The following MTG2 variants were observed in gnomAD, a reference collection of about 807,000 sequenced individuals.
MTG2 encodes mitochondrial ribosome associated GTPase 2.
In MTG2, 23 loss-of-function variants were observed where a neutral mutation model predicts 28.6. The observed-to-expected ratio is 0.80, with a 90% CI of 0.58 to 1.14. The LOEUF is 1.14. Among genes scored for constraint, MTG2 ranks in the 50% most tolerant of loss-of-function variants. MTG2 has a pLI of 0.00. For missense variants in MTG2, 539 were observed against 552.0 expected (o/e 0.98, Z 0.24); for synonymous variants, 260 against 251.8 (o/e 1.03, Z -0.31).
At position 62,186,088 on chromosome 20, in the gene MTG2, T is replaced by A. The variant is rs2057838643; in HGVS notation, c.-6+3031T>A. ...AATATCCGGGCTGGATGGTGTAACG[T>A]TCCAGCAGGCTGAGCCGTGGCTATG... On this transcript the variant is annotated intron_variant, in intron 1 of 6. Transcript: ENST00000370823. Among the ~76,000 whole-genome samples the A allele has an allele frequency of 3.3e-5, 5 of 152,292 alleles. No homozygotes were observed. The South Asian group carries it at 1.0e-3, about 32-fold the overall frequency.
chr20:62,188,726 A>G (rs1354341109), intron 1 of MTG2: 1 of 152,020 alleles, frequency 6.6e-6, no homozygotes, highest in Admixed American at 6.6e-5. Context: ...AATAGCTGTT[A>G]TACTTTATTT....
intron 1 of MTG2, among the ~76,000 whole-genome samples, 151 bp downstream of exon 1, chr20:62,183,208 C>T (rs916901446): frequency 8.5e-5 from 13 of 152,082 alleles, no homozygotes; most frequent in African/African-American, 2.9e-4. Flanking sequence ...GGAGGGCTGC[C>T]GGGCTGCGAA....
Position 62,202,331 on chromosome 20 carries a change from G to C in MTG2, c.*1254G>C, listed in dbSNP as rs2058186022. On this transcript the variant is annotated 3_prime_UTR_variant, in exon 7 of 7. Coordinates refer to ENST00000370823, the MANE Select transcript of MTG2 (RefSeq NM_015666.4). Reference sequence around the variant, plus strand: ...GAAAGAAAGTGGAGGGGACACTCCAGAGGCTGTCGTGGGAGGATCATGTGA... The same window carrying C: ...GAAAGAAAGTGGAGGGGACACTCCACAGGCTGTCGTGGGAGGATCATGTGA... The C allele has an allele frequency of 6.5e-6, 1 of 153,050 alleles. No individual in the cohort carries two copies. The highest frequency in any genetic ancestry group is 2.4e-5 in the African/African-American group (1 of 41,472). The allele number at this position is 153,050 out of a possible 1,614,324, so 9.5% of individuals were successfully genotyped here.
chr20:62,200,168 C>T (rs977114003), intron 6 of MTG2: 1 of 152,542 alleles, frequency 6.6e-6, no homozygotes, highest in Non-Finnish European at 1.5e-5. Flanking sequence ...GGAAGCTCAG[C>T]AGCATCACAA....
chr20:62,192,938 T>TAA (rs1013496615), intron 1 of MTG2, among the ~76,000 whole-genome samples: 1 of 152,222 alleles, frequency 6.6e-6, no homozygotes, highest in Non-Finnish European at 1.5e-5. Context: ...GGCCTTCCCT[T>TAA]AGAGTTACTT....
chr20:62,197,946 T>A lies in MTG2; in HGVS notation c.447T>A (p.Ser149Arg). The change falls in exon 4 of 7, where the codon AGT becomes AGA. Residue 149 changes from serine (S) to arginine (R), a missense_variant. Coordinates refer to ENST00000370823, the MANE Select transcript of MTG2 (RefSeq NM_015666.4). ...GGAGTAAAAACTGCTTCGGGCGCAG[T>A]GGCGCCGTCCTCTACATCCGGGTGA... ...DGGSKNCFGR[S>R]GAVLYIRVPV... is the part of the protein sequence containing the mutation. The A allele has an allele frequency of 6.2e-7, 1 of 1,614,094 alleles. No homozygotes were observed. The highest frequency in any genetic ancestry group is 8.5e-7 in the Non-Finnish European group (1 of 1,179,964).
chr20:62,190,794 T>G (rs2057943752), intron 1 of MTG2, among the ~76,000 whole-genome samples: 1 of 152,134 alleles, frequency 6.6e-6, no homozygotes, highest in Non-Finnish European at 1.5e-5. Flanking sequence ...GGGGAGGAAG[T>G]CCGCAGGGAT....
chr20:62,197,813 C>T (rs752787590), intron 3 of MTG2, 39 bp from the exon 4 acceptor site: 20 of 1,581,354 alleles, frequency 1.3e-5, no homozygotes, highest in South Asian at 3.3e-5. Context: ...CCATGGTTGT[C>T]GTAACACAAA....
At chr20:62,185,592 A>G (rs1163286855) in intron 1 of MTG2, among the ~76,000 whole-genome samples, 1 of 152,054 alleles carries the variant, frequency 6.6e-6, no homozygotes, top group African/African-American at 2.4e-5. Context: ...AGGTGAGATC[A>G]TGCTATTGCA....
At chr20:62,189,665 T>C (rs79535496) in intron 1 of MTG2, among the ~76,000 whole-genome samples, 67 of 40,882 alleles carry the variant, frequency 1.6e-3, no homozygotes, top group Non-Finnish European at 1.4e-3. Context: ...AAACATTAAC[T>C]TTTTTTTTTT....
rs965907660 is a variant in MTG2 at position 62,202,282 on chromosome 20, G to C, written c.*1205G>C. On this transcript the variant is annotated 3_prime_UTR_variant, in exon 7 of 7. Coordinates refer to ENST00000370823, the MANE Select transcript of MTG2 (RefSeq NM_015666.4). ...ATCCCCCAAGTAGTCTCAGGCCTCTGACATGTCCCTGAGGGGCCCCTAAGA... is the reference window on the plus strand; with the variant it reads ...ATCCCCCAAGTAGTCTCAGGCCTCTCACATGTCCCTGAGGGGCCCCTAAGA... 4 of 152,420 alleles carry C rather than the reference G, an allele frequency of 2.6e-5. No homozygotes were observed. The highest frequency in any genetic ancestry group is 9.6e-5 in the African/African-American group (4 of 41,456). The allele number at this position is 152,420 out of a possible 1,614,324, so 9.4% of individuals were successfully genotyped here. A position where few individuals can be genotyped will look rare whatever the true frequency, so the allele number is the denominator to read the frequency against.
At chr20:62,183,291 C>G (rs548744325) in intron 1 of MTG2, among the ~76,000 whole-genome samples, 25 of 152,304 alleles carry the variant, frequency 1.6e-4, no homozygotes, top group African/African-American at 4.8e-4. Context: ...CCTTGCTCCC[C>G]GGTCCTGCCC....
chr20:62,196,101 C>T, intron 3 of MTG2, 152 bp downstream of exon 3: 1 of 906,746 alleles, frequency 1.1e-6, no homozygotes, highest in Non-Finnish European at 1.6e-6. Flanking sequence ...TCACTTGAGC[C>T]CATAAGTTCA....
At chr20:62,188,718 T>C (rs751034460) in intron 1 of MTG2, 2 of 152,120 alleles carry the variant, frequency 1.3e-5, no homozygotes, top group Non-Finnish European at 2.9e-5. Context: ...GCTATGTAAA[T>C]AGCTGTTATA....
rs1409563624 is a variant in MTG2 at position 62,193,540 on chromosome 20, T to C, written c.120T>C (p.Ser40=). The C allele has an allele frequency of 1.9e-6, 3 of 1,614,014 alleles. No individual in the cohort carries two copies. In the South Asian group the frequency reaches 3.3e-5, roughly 18 times the overall value. Residue 40 remains serine (S), a synonymous_variant, in exon 2 of 7, where the codon TCT becomes TCC. Transcript: ENST00000370823. ...KPSRLLPQRA[S]PRLLSVGRAD... is the part of the protein sequence containing the mutation. ...GCCGGCTACTGCCACAGCGGGCTTC[T>C]CCCAGGCTGCTCTCGGTCGGCCGTG... is the stretch of plus-strand genomic sequence containing the variant.
In MTG2 at chr20:62,193,544, A is replaced by G; in HGVS notation, c.124A>G (p.Arg42Gly). ...GCTACTGCCACAGCGGGCTTCTCCC[A>G]GGCTGCTCTCGGTCGGCCGTGCGGA... ...SRLLPQRASPRLLSVGRADLA... is the reference protein window; with the variant it reads ...SRLLPQRASPGLLSVGRADLA... The change falls in exon 2 of 7, where the codon AGG becomes GGG. Residue 42 changes from arginine (R) to glycine (G), a missense_variant. Arg to Gly is a moderately radical substitution (Grantham distance 125). Coordinates refer to ENST00000370823, the MANE Select transcript of MTG2 (RefSeq NM_015666.4). 6.2e-7 allele frequency: 1 copy of G among 1,613,982 alleles called. No individual in the cohort carries two copies. The highest frequency in any genetic ancestry group is 8.5e-7 in the Non-Finnish European group (1 of 1,180,004).
chr20:62,187,459 G>A (rs1464606206), intron 1 of MTG2, among the ~76,000 whole-genome samples: 9 of 152,180 alleles, frequency 5.9e-5, no homozygotes, highest in African/African-American at 9.7e-5. Context: ...AAAACAAGCC[G>A]AGCTAGAGTT....
At chr20:62,189,759 C>T (rs534241855) in intron 1 of MTG2, among the ~76,000 whole-genome samples, 36 of 151,112 alleles carry the variant, frequency 2.4e-4, no homozygotes, top group Middle Eastern at 3.4e-3. Flanking sequence ...TCCGCCTCCC[C>T]GTTCAAGCAA....
rs1339648713 is a variant in MTG2, at chr20:62,201,369, G to T, written c.*292G>T. On this transcript the variant is annotated 3_prime_UTR_variant, in exon 7 of 7. Transcript: ENST00000370823. Reference sequence around the variant, plus strand: ...AAGGGGTTGGGGTGCCCATAACGGGGTGGCCCTGCCGCTGACTCAGGTCTC... The same window carrying T: ...AAGGGGTTGGGGTGCCCATAACGGGTTGGCCCTGCCGCTGACTCAGGTCTC... The T allele has an allele frequency of 1.2e-5, 5 of 427,054 alleles. No homozygotes were observed. Among genetic ancestry groups the T allele is most frequent in the African/African-American group, 4.0e-5 (2 of 49,734 alleles). The allele number at this position is 427,054 out of a possible 1,614,324, so 26.5% of individuals were successfully genotyped here.
Sources: allele counts gnomAD v4.1 joint callset (sites outside exome capture counted in the v4.1 genomes callset), GRCh38; gene constraint gnomAD v4.1.1; transcripts MANE v1.5; gene names NCBI Gene and HGNC (gene_info 2026-07-23, HGNC 2026-07-21).